Variants in RHBDD1 observed in about 807,000 individuals in gnomAD.
RHBDD1 encodes rhomboid domain containing 1.
A neutral mutation model predicts 36.3 loss-of-function variants in RHBDD1; 38 were observed. The observed-to-expected ratio is 1.05, with a 90% CI of 0.81 to 1.37. The LOEUF (loss-of-function observed/expected upper bound fraction) is 1.37. Ranked by LOEUF, RHBDD1 falls within the 40% of genes most tolerant of loss-of-function variation. RHBDD1 has a pLI of 0.00. For missense variants in RHBDD1, 393 were observed against 377.6 expected (o/e 1.04, Z -0.34); for synonymous variants, 151 against 136.5 (o/e 1.11, Z -0.74).
chr2:226,877,831 C>T (rs1204575401), intron 5 of RHBDD1, among the ~76,000 whole-genome samples: 1 of 152,114 alleles, frequency 6.6e-6, no homozygotes, highest in Admixed American at 6.5e-5. Context: ...TATTCCTAAA[C>T]ACCATGAATA....
chr2:226,907,094 TTTC>T (rs1948118724), intron 6 of RHBDD1: 2 of 616,246 alleles, frequency 3.2e-6, no homozygotes, highest in Non-Finnish European at 5.8e-6. Context: ...AATCTGATAC[TTTC>T]TTAGGGGACA....
Position 226,959,343 on chromosome 2 carries a change from C to A in RHBDD1, c.857-36088C>A, listed in dbSNP as rs185466754. On this transcript the variant is annotated intron_variant, in intron 8 of 8. Coordinates refer to ENST00000392062, the MANE Select transcript of RHBDD1 (RefSeq NM_001167608.3). Reference sequence around the variant, plus strand: ...TTTTTATCATTTGATTGATATATAACCCATAATCAAGATAATTAACATAGC... The same window carrying A: ...TTTTTATCATTTGATTGATATATAAACCATAATCAAGATAATTAACATAGC... 2.9e-4 allele frequency among the ~76,000 whole-genome samples: 44 copies of A among 152,242 alleles called. No homozygotes were observed. The East Asian group carries it at 8.1e-3, about 28-fold the overall frequency.
intron 8 of RHBDD1, 116 bp downstream of exon 8, chr2:226,914,467 G>C (rs1948757654): frequency 8.3e-7 from 1 of 1,200,200 alleles, no homozygotes; most frequent in Non-Finnish European, 1.1e-6. Flanking sequence ...AGGATATGTA[G>C]ATGAAAACTG....
intron 6 of RHBDD1, 150 bp from the exon 7 acceptor site, chr2:226,908,672 C>A: frequency 1.5e-6 from 1 of 647,346 alleles, no homozygotes; most frequent in Admixed American, 2.6e-5. Flanking sequence ...TAGGGCTGGC[C>A]CCCAAACAAA....
At chr2:226,972,321 T>C (rs1292384026) in intron 8 of RHBDD1, among the ~76,000 whole-genome samples, 1 of 152,044 alleles carries the variant, frequency 6.6e-6, no homozygotes, top group Non-Finnish European at 1.5e-5. Flanking sequence ...CTTTATCCAG[T>C]CAATCATTGA....
chr2:226,907,092 A>G, intron 6 of RHBDD1: 2 of 620,340 alleles, frequency 3.2e-6, no homozygotes, highest in African/African-American at 1.8e-5. Context: ...CGAATCTGAT[A>G]CTTTCTTAGG....
At chr2:226,949,308 G>A (rs1951249893) in intron 8 of RHBDD1, among the ~76,000 whole-genome samples, 1 of 152,152 alleles carries the variant, frequency 6.6e-6, no homozygotes, top group South Asian at 2.1e-4. Flanking sequence ...AGTCTGTATA[G>A]CCAAGACAAT....
In RHBDD1 at chr2:226,914,200, G is replaced by T; in HGVS notation, c.713-8G>T. ...CTGTGTTCTAGAACCTTTTCCTTGT[G>T]CCTTTAGGCAGCTCTGGATATCAGG... On this transcript the variant is annotated splice_polypyrimidine_tract_variant and splice_region_variant and intron_variant, in intron 7 of 8. Transcript: ENST00000392062. 6.2e-7 allele frequency: 1 copy of T among 1,613,020 alleles called. No homozygotes were observed. Among genetic ancestry groups the T allele is most frequent in the Non-Finnish European group, 8.5e-7 (1 of 1,179,422 alleles).
At chr2:226,964,086 C>A (rs1477046486) in intron 8 of RHBDD1, among the ~76,000 whole-genome samples, 2 of 152,130 alleles carry the variant, frequency 1.3e-5, no homozygotes, top group Non-Finnish European at 2.9e-5. Flanking sequence ...GAAAGATATT[C>A]TTAGTCTCTC....
At chr2:226,899,213 T>C (rs1947381384) in intron 5 of RHBDD1, among the ~76,000 whole-genome samples, 1 of 152,218 alleles carries the variant, frequency 6.6e-6, no homozygotes, top group Non-Finnish European at 1.5e-5. Flanking sequence ...TAAGCTGGCT[T>C]GATGGGAAAG....
chr2:226,950,385 G>A (rs182638185), intron 8 of RHBDD1, among the ~76,000 whole-genome samples: 1 of 152,266 alleles, frequency 6.6e-6, no homozygotes, highest in Admixed American at 6.5e-5. Flanking sequence ...ATTTCTTTCT[G>A]TTTTAAGGCT....
chr2:226,836,421 A>C (rs1472591934), intron 1 of RHBDD1, among the ~76,000 whole-genome samples: 1 of 152,200 alleles, frequency 6.6e-6, no homozygotes, highest in African/African-American at 2.4e-5. Context: ...TTCCTTTTGA[A>C]AGCAGGAAGT....
chr2:226,926,621 CTG>C (rs762080817), intron 8 of RHBDD1, among the ~76,000 whole-genome samples: 2 of 152,164 alleles, frequency 1.3e-5, no homozygotes, highest in South Asian at 2.1e-4. Flanking sequence ...ATAGGTAACA[CTG>C]TGTTCTTCAG....
intron 8 of RHBDD1, among the ~76,000 whole-genome samples, chr2:226,950,051 G>C (rs1263863621): frequency 6.6e-6 from 1 of 152,140 alleles, no homozygotes; most frequent in East Asian, 1.9e-4. Flanking sequence ...TACATCCTTA[G>C]TTTTTGTGAT....
chr2:226,933,827 A>T (rs1228950170), intron 8 of RHBDD1, among the ~76,000 whole-genome samples: 1 of 152,150 alleles, frequency 6.6e-6, no homozygotes, highest in Non-Finnish European at 1.5e-5. Context: ...CTTATTCTTC[A>T]CTGGGGTTTG....
chr2:226,847,037 T>C (rs1010915913), intron 3 of RHBDD1, among the ~76,000 whole-genome samples: 2 of 152,226 alleles, frequency 1.3e-5, no homozygotes, highest in Non-Finnish European at 2.9e-5. Flanking sequence ...GCTCATAATG[T>C]ACTCTGTGAA....
At chr2:226,912,730 A>G (rs1019924767) in intron 7 of RHBDD1, among the ~76,000 whole-genome samples, 10 of 152,220 alleles carry the variant, frequency 6.6e-5, no homozygotes, top group Admixed American at 3.9e-4. Context: ...ATTGTTAGCT[A>G]AAGAGTACAG....
At chr2:226,843,760 T>C (rs1481390254) in intron 3 of RHBDD1, among the ~76,000 whole-genome samples, 2 of 152,212 alleles carry the variant, frequency 1.3e-5, no homozygotes, top group East Asian at 3.8e-4. Context: ...TGCCAGGTTT[T>C]GGTATCAGCA....
intron 3 of RHBDD1, among the ~76,000 whole-genome samples, chr2:226,847,853 C>A (rs546356761): frequency 1.6e-4 from 24 of 152,328 alleles, no homozygotes; most frequent in Admixed American, 1.6e-3. Flanking sequence ...TCTGTGAATT[C>A]TCTCTCAGAG....
Sources: gnomAD v4.1 joint callset for allele counts (sites outside exome capture counted in the v4.1 genomes callset) on GRCh38, gnomAD v4.1.1 for gene constraint, MANE v1.5 for transcripts, NCBI Gene and HGNC (gene_info 2026-07-23, HGNC 2026-07-21) for gene names.